Variants in PCDH15 observed in about 807,000 individuals in gnomAD.
The protein encoded by PCDH15 is protocadherin-15.
A neutral mutation model predicts 178.5 loss-of-function variants in PCDH15; 129 were observed. The ratio of observed to expected loss-of-function variants is 0.72; its 90% CI spans 0.63 to 0.84. PCDH15 has a LOEUF of 0.84. Among genes scored for constraint, PCDH15 ranks in the 40% least tolerant of loss-of-function variants. The probability of loss-of-function intolerance (pLI) is 0.00; values close to 1 mark genes in which losing one functional copy is unlikely to be tolerated. For synonymous variants in PCDH15, 800 were observed against 732.0 expected, an observed-to-expected ratio of 1.09 and a Z score of -1.50; for missense variants, 2,230 against 2,099.9, an observed-to-expected ratio of 1.06 and a Z score of -1.21.
chr10:55,357,204 A>G (rs1414136272), intron 2 of PCDH15, among the ~76,000 whole-genome samples: 1 of 152,016 alleles, frequency 6.6e-6, no homozygotes, highest in Non-Finnish European at 1.5e-5. Flanking sequence ...TGAAAAATTC[A>G]AACATGAATA....
intron 3 of PCDH15, among the ~76,000 whole-genome samples, chr10:54,501,400 A>G (rs2080676112): frequency 6.6e-6 from 1 of 152,122 alleles, no homozygotes; most frequent in Non-Finnish European, 1.5e-5. Flanking sequence ...ATTTGGCATA[A>G]ACAGTCTGCA....
At chr10:55,171,480 T>A (rs1839330038) in intron 1 of PCDH15, among the ~76,000 whole-genome samples, 1 of 152,084 alleles carries the variant, frequency 6.6e-6, no homozygotes, top group Non-Finnish European at 1.5e-5. Flanking sequence ...TTCAGCTTAA[T>A]GAAATCCCCA....
At chr10:53,900,682 C>T (rs182466867) in intron 26 of PCDH15, among the ~76,000 whole-genome samples, 2 of 152,072 alleles carry the variant, frequency 1.3e-5, no homozygotes, top group Non-Finnish European at 1.5e-5. Flanking sequence ...TAACCATCCT[C>T]GACAAAAGAT....
intron 2 of PCDH15, among the ~76,000 whole-genome samples, chr10:54,969,140 T>A (rs574003038): frequency 6.6e-6 from 1 of 152,120 alleles, no homozygotes; most frequent in Non-Finnish European, 1.5e-5. Context: ...TACCTAGTAA[T>A]GTTTCATTGG....
chr10:55,444,634 A>G (rs192293798), intron 2 of PCDH15, among the ~76,000 whole-genome samples: 2 of 152,292 alleles, frequency 1.3e-5, no homozygotes, highest in African/African-American at 4.8e-5. Flanking sequence ...AGAAATTGCC[A>G]AAGTTTATTA....
chr10:55,044,076 T>G (rs1012013463), intron 2 of PCDH15, among the ~76,000 whole-genome samples: 2 of 152,188 alleles, frequency 1.3e-5, no homozygotes, highest in Non-Finnish European at 2.9e-5. Flanking sequence ...ATCAGACATC[T>G]TGGAACTTCA....
chr10:54,308,647 A>C (rs2060700480), intron 8 of PCDH15, among the ~76,000 whole-genome samples: 1 of 152,010 alleles, frequency 6.6e-6, no homozygotes, highest in Non-Finnish European at 1.5e-5. Context: ...CTTTTTAAAA[A>C]ATTTACTTTA....
In PCDH15 at chr10:54,784,798, T is replaced by C. The variant is rs116576887; in HGVS notation, c.-29+16127A>G. Among the ~76,000 whole-genome samples, 734 of 152,228 alleles carry C rather than the reference T, an allele frequency of 4.8e-3. 6 individuals are homozygous for C. Among genetic ancestry groups the C allele is most frequent in the African/African-American group, 0.017 (703 of 41,548 alleles). On this transcript the variant is annotated intron_variant, in intron 1 of 37. Transcript: ENST00000644397. ...GCATAATCATATAATATATTACTGC[T>C]TTTTGTTTTGTTTATATCTTTATAC...
chr10:54,990,155 A>T (rs1839465241), intron 2 of PCDH15, among the ~76,000 whole-genome samples: 1 of 152,234 alleles, frequency 6.6e-6, no homozygotes, highest in East Asian at 1.9e-4. Flanking sequence ...GCATGAAAGC[A>T]GACTAATACA....
chr10:55,023,768 T>C (rs1042158033), intron 2 of PCDH15, among the ~76,000 whole-genome samples: 1 of 151,452 alleles, frequency 6.6e-6, no homozygotes, highest in Non-Finnish European at 1.5e-5. Context: ...TGTCTGTGTA[T>C]AACTGTGTAC....
At chr10:55,295,400 G>A (rs1213993330) in intron 1 of PCDH15, among the ~76,000 whole-genome samples, 2 of 152,166 alleles carry the variant, frequency 1.3e-5, no homozygotes, top group East Asian at 1.9e-4. Flanking sequence ...GTCAGGCTCA[G>A]GCCAAGGATT....
chr10:54,551,931 A>G (rs2086661822), intron 2 of PCDH15, among the ~76,000 whole-genome samples: 1 of 152,078 alleles, frequency 6.6e-6, no homozygotes, highest in Admixed American at 6.6e-5. Context: ...TATACAACAC[A>G]TTATGAAAAA....
rs79653292 is a variant in PCDH15 at position 54,631,242 on chromosome 10, G to T, written c.91+32930C>A. Among the ~76,000 whole-genome samples, 1,254 of 152,198 alleles carry T rather than the reference G, an allele frequency of 8.2e-3. 22 individuals carry two copies. The highest frequency in any genetic ancestry group is 0.029 in the African/African-American group (1,195 of 41,516). On this transcript the variant is annotated intron_variant, in intron 2 of 37. Transcript: ENST00000644397. ...CTTGCTTCCACTCTGCCACGTGAGA[G>T]CCTTGCTCCAGCTTTACCTTTCACC...
At chr10:53,902,128 G>C (rs1781881101) in intron 26 of PCDH15, among the ~76,000 whole-genome samples, 1 of 152,104 alleles carries the variant, frequency 6.6e-6, no homozygotes, top group Non-Finnish European at 1.5e-5. Flanking sequence ...ATAAAAATCA[G>C]CTACAAAGGA....
intron 2 of PCDH15, among the ~76,000 whole-genome samples, chr10:54,939,443 C>G (rs930394980): frequency 7.5e-6 from 1 of 133,654 alleles, no homozygotes; most frequent in Non-Finnish European, 1.5e-5. Context: ...TGTGGTGAGC[C>G]GAGACCTCGC....
intron 7 of PCDH15, among the ~76,000 whole-genome samples, chr10:54,322,326 C>G (rs943449913): frequency 6.6e-6 from 1 of 151,660 alleles, no homozygotes; most frequent in Non-Finnish European, 1.5e-5. Flanking sequence ...CTTCCCTTTC[C>G]CATTTTCATC....
chr10:55,488,285 G>A (rs140070065), intron 2 of PCDH15, among the ~76,000 whole-genome samples: 83 of 151,558 alleles, frequency 5.5e-4, no homozygotes, highest in African/African-American at 7.7e-4. Context: ...GTTCTTAGAC[G>A]TGAGGCTCAT....
At chr10:55,616,947 AAC>A (rs1446615658) in intron 2 of PCDH15, among the ~76,000 whole-genome samples, 3 of 152,080 alleles carry the variant, frequency 2.0e-5, no homozygotes, top group Admixed American at 1.3e-4. Flanking sequence ...ATTATAATGT[AAC>A]ACATTATAAT....
chr10:54,200,977 C>T (rs767861106), intron 10 of PCDH15, among the ~76,000 whole-genome samples: 60 of 152,084 alleles, frequency 3.9e-4, no homozygotes, highest in Admixed American at 1.6e-3. Flanking sequence ...CGTAACACTG[C>T]GTAAGTATCT....
Sources: allele counts gnomAD v4.1 joint callset (sites outside exome capture counted in the v4.1 genomes callset), GRCh38; gene constraint gnomAD v4.1.1; transcripts MANE v1.5; gene names NCBI Gene and HGNC (gene_info 2026-07-23, HGNC 2026-07-21).